The following ATF7IP2 variants were observed in gnomAD, a reference collection of about 807,000 sequenced individuals.
The protein encoded by ATF7IP2 is activating transcription factor 7-interacting protein 2.
In ATF7IP2, 42 loss-of-function variants were observed where a neutral mutation model predicts 64.2. That is an observed-to-expected ratio of 0.65 (90% CI 0.51 to 0.85). The LOEUF is 0.85. ATF7IP2 is among the 40% of genes least tolerant of loss of function. ATF7IP2 has a pLI of 0.00. For missense variants in ATF7IP2, 933 were observed against 784.2 expected, an observed-to-expected ratio of 1.19 and a Z score of -2.27; for synonymous variants, 308 against 272.8, an observed-to-expected ratio of 1.13 and a Z score of -1.27.
chr16:10,455,089 T>C (rs1186327172), intron 8 of ATF7IP2, among the ~76,000 whole-genome samples: 3 of 152,238 alleles, frequency 2.0e-5, no homozygotes, highest in African/African-American at 7.2e-5. Context: ...TTTTTCGACC[T>C]TCTACAGCTA....
rs2048235320 is a variant in ATF7IP2, at chr16:10,431,165, A to G, written c.545A>G (p.Glu182Gly). The G allele has an allele frequency of 6.2e-7, 1 of 1,614,228 alleles. No individual in the cohort carries two copies. The highest frequency in any genetic ancestry group is 1.7e-5 in the Admixed American group (1 of 60,028). Residue 182 changes from glutamate to glycine, a missense_variant, in exon 5 of 14, where the codon GAG (glutamate) becomes GGG (glycine). By Grantham distance (98) the Glu-to-Gly change is moderately conservative. Coordinates refer to ENST00000562102, the MANE Select transcript of ATF7IP2 (RefSeq NM_001393719.1). Reference sequence around the variant, plus strand: ...TTGAGTGGTGTTGTTCAGATGCCAGAGTCTACAGTAACCAGTACCGTGGGT... The same window carrying G: ...TTGAGTGGTGTTGTTCAGATGCCAGGGTCTACAGTAACCAGTACCGTGGGT... ...SVLSGVVQMP[E>G]STVTSTVGDK...
At chr16:10,446,540 A>G (rs903293383) in intron 8 of ATF7IP2, 3 of 152,308 alleles carry the variant, frequency 2.0e-5, no homozygotes, top group African/African-American at 7.2e-5. Flanking sequence ...GGCTCTTACT[A>G]TTAATATGTT....
intron 8 of ATF7IP2, chr16:10,446,576 C>G (rs958707711): frequency 6.6e-6 from 1 of 152,198 alleles, no homozygotes; most frequent in Non-Finnish European, 1.5e-5. Context: ...ACATCCAATC[C>G]TCATATGACC....
chr16:10,415,492 A>G (rs977671524), intron 2 of ATF7IP2, among the ~76,000 whole-genome samples: 3 of 152,248 alleles, frequency 2.0e-5, no homozygotes, highest in Admixed American at 2.0e-4. Context: ...GATTGCTTAA[A>G]TCTAAGACCC....
intron 9 of ATF7IP2, 115 bp from the exon 10 acceptor site, chr16:10,471,995 G>A: frequency 4.3e-6 from 2 of 469,278 alleles, no homozygotes; most frequent in Non-Finnish European, 7.5e-6. Context: ...CCCCACGATT[G>A]TTCAATTAAA....
At chr16:10,409,403 G>A (rs762402583) in intron 1 of ATF7IP2, among the ~76,000 whole-genome samples, 3 of 152,038 alleles carry the variant, frequency 2.0e-5, no homozygotes, top group Non-Finnish European at 4.4e-5. Flanking sequence ...CTTTGAAGAG[G>A]AATTTATTAT....
At chr16:10,397,389 T>C (rs1004702227) in intron 1 of ATF7IP2, among the ~76,000 whole-genome samples, 7 of 152,248 alleles carry the variant, frequency 4.6e-5, no homozygotes, top group African/African-American at 1.7e-4. Flanking sequence ...GGAATTGTTA[T>C]AGGGATTGCA....
At chr16:10,452,976 C>T (rs912469972) in intron 8 of ATF7IP2, among the ~76,000 whole-genome samples, 2 of 152,164 alleles carry the variant, frequency 1.3e-5, no homozygotes, top group East Asian at 3.9e-4. Flanking sequence ...GACTGCTGTG[C>T]TGGCAGCGAG....
At chr16:10,442,618 C>G (rs1167470522) in intron 8 of ATF7IP2, among the ~76,000 whole-genome samples, 3 of 152,124 alleles carry the variant, frequency 2.0e-5, no homozygotes, top group Non-Finnish European at 4.4e-5. Flanking sequence ...CTGGTTAACT[C>G]ATTAGATAAG....
In ATF7IP2 at chr16:10,473,066, T is replaced by G. The variant is rs568900384; in HGVS notation, c.1427-413T>G. 2.0e-5 allele frequency among the ~76,000 whole-genome samples: 3 copies of G among 152,292 alleles called. No homozygotes were observed. The South Asian group carries it at 6.2e-4, about 32-fold the overall frequency. ...ATTGTCCCCACAATTTGGGCTAAGATTGTGAATCAGAGAATTACAAAGGAT... is the reference window on the plus strand; with the variant it reads ...ATTGTCCCCACAATTTGGGCTAAGAGTGTGAATCAGAGAATTACAAAGGAT... On this transcript the variant is annotated intron_variant, in intron 10 of 13. Transcript: ENST00000562102.
At chr16:10,408,390 C>T (rs1351219472) in intron 1 of ATF7IP2, among the ~76,000 whole-genome samples, 1 of 152,144 alleles carries the variant, frequency 6.6e-6, no homozygotes, top group African/African-American at 2.4e-5. Context: ...GGTAGTTCTA[C>T]TTTTAGTTCT....
intron 9 of ATF7IP2, among the ~76,000 whole-genome samples, chr16:10,461,825 T>C (rs1452650295): frequency 4.6e-5 from 7 of 152,150 alleles, no homozygotes. Flanking sequence ...TGGCATTGTA[T>C]TTATTTAATG....
intron 6 of ATF7IP2, among the ~76,000 whole-genome samples, chr16:10,437,126 G>C (rs2048447358): frequency 6.6e-6 from 1 of 151,518 alleles, no homozygotes. Context: ...GATTCAAGCA[G>C]TTCTCCTGTC....
intron 9 of ATF7IP2, among the ~76,000 whole-genome samples, chr16:10,465,693 T>C (rs369708718): frequency 2.7e-5 from 4 of 147,184 alleles, no homozygotes; most frequent in African/African-American, 1.0e-4. Context: ...CATCCGAGAT[T>C]GCACCACTGC....
At chr16:10,471,250 G>C (rs2049787681) in intron 9 of ATF7IP2, among the ~76,000 whole-genome samples, 1 of 152,142 alleles carries the variant, frequency 6.6e-6, no homozygotes, top group African/African-American at 2.4e-5. Context: ...TAATTGGACT[G>C]GGCGCAGTGG....
intron 1 of ATF7IP2, among the ~76,000 whole-genome samples, chr16:10,408,346 G>A (rs1342763038): frequency 6.6e-6 from 1 of 152,088 alleles, no homozygotes; most frequent in East Asian, 1.9e-4. Flanking sequence ...TTTCCTCTAG[G>A]TGGATACCCA....
intron 3 of ATF7IP2, among the ~76,000 whole-genome samples, chr16:10,421,084 T>A (rs1429084848): frequency 1.3e-5 from 2 of 152,240 alleles, no homozygotes; most frequent in African/African-American, 2.4e-5. Context: ...AAAAGCTTGC[T>A]GTATTTGTGC....
intron 1 of ATF7IP2, chr16:10,387,216 C>T (rs2047219897): frequency 1.3e-5 from 2 of 152,194 alleles, no homozygotes; most frequent in Non-Finnish European, 1.5e-5. Context: ...AGTTATATCA[C>T]AGGAAAGCAA....
chr16:10,458,487 C>T (rs1333202332), intron 9 of ATF7IP2, among the ~76,000 whole-genome samples: 1 of 152,218 alleles, frequency 6.6e-6, no homozygotes, highest in Non-Finnish European at 1.5e-5. Context: ...AAATCTATCT[C>T]ATGTTCTATT....
Sources: gnomAD v4.1 joint callset for allele counts (sites outside exome capture counted in the v4.1 genomes callset) on GRCh38, gnomAD v4.1.1 for gene constraint, MANE v1.5 for transcripts, NCBI Gene and HGNC (gene_info 2026-07-23, HGNC 2026-07-21) for gene names.